Variants in NEK1 observed in about 807,000 individuals in gnomAD.
NEK1 encodes the protein NIMA related kinase 1, also known as serine/threonine-protein kinase Nek1.
NEK1 carries 137 observed loss-of-function variants against 182.1 expected under a neutral mutation model. The observed-to-expected ratio is 0.75, with a 90% CI of 0.65 to 0.87. The LOEUF is 0.87. Among genes scored for constraint, NEK1 ranks in the 40% least tolerant of loss-of-function variants. The pLI is 0.00. For synonymous variants in NEK1, 513 were observed against 492.2 expected, an observed-to-expected ratio of 1.04 and a Z score of -0.56; for missense variants, 1,391 against 1,494.4, an observed-to-expected ratio of 0.93 and a Z score of 1.14.
intron 27 of NEK1, among the ~76,000 whole-genome samples, chr4:169,457,835 G>C (rs889765262): frequency 2.6e-5 from 4 of 151,582 alleles, no homozygotes; most frequent in Non-Finnish European, 5.9e-5. Flanking sequence ...TCCTAAAACT[G>C]ACAGGGGAAA....
intron 19 of NEK1, 81 bp downstream of exon 19, chr4:169,537,728 T>C (rs888456962): frequency 9.5e-7 from 1 of 1,054,388 alleles, no homozygotes; most frequent in Admixed American, 1.7e-5. Context: ...TGTCATTCTT[T>C]TTACTTACAC....
At chr4:169,589,627 G>C in intron 6 of NEK1, 113 bp from the exon 7 acceptor site, 2 of 641,308 alleles carry the variant, frequency 3.1e-6, no homozygotes, top group Non-Finnish European at 5.3e-6. Flanking sequence ...TAGAGTAACT[G>C]GATATTCACA....
At chr4:169,409,704 G>A (rs571068967) in intron 31 of NEK1, among the ~76,000 whole-genome samples, 58 of 152,064 alleles carry the variant, frequency 3.8e-4, no homozygotes, top group African/African-American at 1.3e-3. Context: ...GGAGGCGGAG[G>A]TTGTAGTGAG....
chr4:169,496,249 A>G (rs1751253443), intron 23 of NEK1, among the ~76,000 whole-genome samples: 1 of 151,960 alleles, frequency 6.6e-6, no homozygotes, highest in South Asian at 2.1e-4. Flanking sequence ...TTGCACATTG[A>G]TTTTGTATCC....
intron 23 of NEK1, among the ~76,000 whole-genome samples, chr4:169,495,436 G>A (rs1427412038): frequency 6.6e-6 from 1 of 151,918 alleles, no homozygotes; most frequent in Non-Finnish European, 1.5e-5. Context: ...TAGAGACGGG[G>A]TTTCACCGTG....
At chr4:169,493,688 T>G (rs190068148) in intron 23 of NEK1, among the ~76,000 whole-genome samples, 1 of 152,162 alleles carries the variant, frequency 6.6e-6, no homozygotes, top group East Asian at 1.9e-4. Context: ...AGAAGAAGAA[T>G]TTCAGAGCTC....
At chr4:169,592,694 T>A (rs1328049274) in intron 5 of NEK1, among the ~76,000 whole-genome samples, 1 of 95,726 alleles carries the variant, frequency 1.0e-5, no homozygotes, top group East Asian at 4.7e-4. Flanking sequence ...AAAACAATTT[T>A]CTTTAAAAAA....
chr4:169,582,921 T>C (rs1766907358), intron 10 of NEK1, among the ~76,000 whole-genome samples: 1 of 152,102 alleles, frequency 6.6e-6, no homozygotes, highest in Admixed American at 6.5e-5. Context: ...AGCCCCTACA[T>C]TCCTAATGAA....
chr4:169,495,204 T>A (rs7439705), intron 23 of NEK1, among the ~76,000 whole-genome samples: 4 of 150,940 alleles, frequency 2.7e-5, no homozygotes, highest in African/African-American at 9.7e-5. Context: ...GGTTTTCTTC[T>A]AGGGTTTTTA....
chr4:169,525,236 C>T (rs1443593477), intron 19 of NEK1, among the ~76,000 whole-genome samples: 2 of 152,280 alleles, frequency 1.3e-5, no homozygotes, highest in African/African-American at 4.8e-5. Flanking sequence ...TAAAGTGATT[C>T]TCCTGCCTCA....
chr4:169,474,513 T>C (rs762731798), intron 26 of NEK1, among the ~76,000 whole-genome samples: 77 of 152,212 alleles, frequency 5.1e-4, no homozygotes, highest in Admixed American at 1.6e-3. Context: ...CCTATTCACT[T>C]CCTAATTCTT....
intron 12 of NEK1, among the ~76,000 whole-genome samples, chr4:169,563,665 TGACTTTA>T (rs1411784871): frequency 1.3e-5 from 2 of 152,242 alleles, no homozygotes; most frequent in Admixed American, 6.5e-5. Flanking sequence ...GTCTTGTTCC[TGACTTTA>T]ATGATAATGC....
chr4:169,473,392 A>C (rs1486681416), intron 26 of NEK1, among the ~76,000 whole-genome samples: 1 of 152,082 alleles, frequency 6.6e-6, no homozygotes, highest in African/African-American at 2.4e-5. Flanking sequence ...AAAATTATCT[A>C]TTGGGGTACC....
At chr4:169,522,508 G>T (rs1267929751) in intron 19 of NEK1, among the ~76,000 whole-genome samples, 1 of 152,164 alleles carries the variant, frequency 6.6e-6, no homozygotes, top group Admixed American at 6.5e-5. Flanking sequence ...TTTAGCAATC[G>T]GCTTCTAGCC....
At chr4:169,402,064 T>C (rs1360149264) in intron 32 of NEK1, among the ~76,000 whole-genome samples, 1 of 152,164 alleles carries the variant, frequency 6.6e-6, no homozygotes, top group Non-Finnish European at 1.5e-5. Flanking sequence ...AACTGATAAA[T>C]ATATCACACA....
intron 11 of NEK1, among the ~76,000 whole-genome samples, chr4:169,578,867 G>A (rs1766139230): frequency 6.6e-6 from 1 of 152,082 alleles, no homozygotes; most frequent in Non-Finnish European, 1.5e-5. Flanking sequence ...ACTGCATCTT[G>A]ACCCAGAAAC....
intron 35 of NEK1, 24 bp downstream of exon 35, chr4:169,400,201 T>C: frequency 1.9e-6 from 3 of 1,564,168 alleles, no homozygotes; most frequent in Non-Finnish European, 2.6e-6. Flanking sequence ...CTGAAAATTA[T>C]ACAGACATGT....
chr4:169,570,988 A>G (rs941016965), intron 12 of NEK1, among the ~76,000 whole-genome samples: 14 of 151,754 alleles, frequency 9.2e-5, no homozygotes, highest in East Asian at 1.9e-4. Flanking sequence ...CAGCATGCTC[A>G]TTAAGAGTCA....
At chr4:169,437,975 A>C (rs1214755709) in intron 28 of NEK1, 108 bp downstream of exon 28, 1 of 819,220 alleles carries the variant, frequency 1.2e-6, no homozygotes, top group Admixed American at 3.2e-5. Context: ...ACCTAATTTG[A>C]GATAATTACC....
Sources: allele counts gnomAD v4.1 joint callset (sites outside exome capture counted in the v4.1 genomes callset), GRCh38; gene constraint gnomAD v4.1.1; transcripts MANE v1.5; gene names NCBI Gene and HGNC (gene_info 2026-07-23, HGNC 2026-07-21).